URB1: variants seen among roughly 807,000 people sequenced by gnomAD.
URB1 encodes URB1 ribosome biogenesis factor, also known as nucleolar pre-ribosomal-associated protein 1.
URB1 carries 197 observed loss-of-function variants against 242.3 expected under a neutral mutation model. The observed-to-expected ratio is 0.81, with a 90% CI of 0.72 to 0.91. The LOEUF (loss-of-function observed/expected upper bound fraction) is 0.91. Among genes scored for constraint, URB1 ranks in the 40% least tolerant of loss-of-function variants. The pLI is 0.00. For missense variants in URB1, 2,721 were observed against 2,860.5 expected (o/e 0.95, Z 1.11); for synonymous variants, 1,153 against 1,201.8 (o/e 0.96, Z 0.84).
At chr21:32,348,604 T>G (rs969562187) in intron 21 of URB1, among the ~76,000 whole-genome samples, 4 of 152,198 alleles carry the variant, frequency 2.6e-5, no homozygotes, top group African/African-American at 9.6e-5. Flanking sequence ...GAAAGAAATT[T>G]TCTTTCCTTA....
At chr21:32,320,149 C>T (rs1047241661) in intron 35 of URB1, among the ~76,000 whole-genome samples, 2 of 152,216 alleles carry the variant, frequency 1.3e-5, no homozygotes, top group Non-Finnish European at 2.9e-5. Flanking sequence ...TGCAAGAGGG[C>T]TGCAGCTGCT....
chr21:32,337,305 CCTG>C, intron 27 of URB1, 96 bp downstream of exon 27: 11 of 1,359,914 alleles, frequency 8.1e-6, no homozygotes, highest in Non-Finnish European at 1.1e-5. Flanking sequence ...ACTGTCTCCT[CCTG>C]CTCACATCCC....
chr21:32,346,649 C>T (rs1363839288), intron 22 of URB1, among the ~76,000 whole-genome samples: 2 of 152,148 alleles, frequency 1.3e-5, no homozygotes, highest in Non-Finnish European at 2.9e-5. Flanking sequence ...ACTCCTTCAA[C>T]GTAACAGGAC....
At position 32,341,627 on chromosome 21, in the gene URB1, C is replaced by T. The variant is rs2033031200; in HGVS notation, c.4258-103G>A. 1.2e-5 allele frequency: 12 copies of T among 993,114 alleles called. 1 individual carries two copies. The South Asian group carries it at 1.8e-4, about 14-fold the overall frequency. 61.5% of individuals were successfully genotyped at this position (993,114 alleles called of 1,614,324 possible). A position where few individuals can be genotyped will look rare whatever the true frequency, so the allele number is the denominator to read the frequency against. On this transcript the variant is annotated intron_variant, in intron 24 of 38. Transcript: ENST00000382751. ...TTCAGAAAGGCATCTGCCTCCATGG[C>T]CTGACTACCTCCTCTGTAAAACCCA... is the stretch of plus-strand genomic sequence containing the variant.
At chr21:32,377,380 C>T (rs2033471321) in intron 5 of URB1, 1 of 496,102 alleles carries the variant, frequency 2.0e-6, no homozygotes, top group Non-Finnish European at 3.9e-6. Flanking sequence ...AAACATTAAA[C>T]TGTAGTATGT....
rs575116079 is a variant in URB1, at chr21:32,339,584, G to A, written c.4317-684C>T. Among the ~76,000 whole-genome samples the A allele has an allele frequency of 8.7e-4, 130 of 150,218 alleles. 2 individuals carry two copies. In the South Asian group the frequency reaches 0.015, roughly 17 times the overall value. ...TGGCTCACTGCAAGCTCCGCCTCCC[G>A]GGTTCACACCATTCTCCTGCCTCAG... On this transcript the variant is annotated intron_variant, in intron 25 of 38. Transcript: ENST00000382751.
chr21:32,375,348 C>T, intron 6 of URB1, 50 bp downstream of exon 6: 1 of 1,198,896 alleles, frequency 8.3e-7, no homozygotes, highest in Admixed American at 2.7e-5. Context: ...AGAATATCTC[C>T]ATTCCCAAGG....
At chr21:32,316,208 C>G (rs947917183) in intron 38 of URB1, among the ~76,000 whole-genome samples, 2 of 152,194 alleles carry the variant, frequency 1.3e-5, no homozygotes, top group Admixed American at 1.3e-4. Flanking sequence ...TTCTGAGGTG[C>G]CCTCTCTGCA....
Position 32,328,864 on chromosome 21 carries a change from T to C in URB1, c.4961-3475A>G, listed in dbSNP as rs923534302. Among the ~76,000 whole-genome samples, 3 of 152,330 alleles carry C rather than the reference T, an allele frequency of 2.0e-5. No individual in the cohort carries two copies. In the East Asian group the frequency reaches 5.8e-4, roughly 29 times the overall value. On this transcript the variant is annotated intron_variant, in intron 30 of 38. Coordinates refer to ENST00000382751, the MANE Select transcript of URB1 (RefSeq NM_014825.3). ...TAGGCTATTTAAAAATAGTTATAAA[T>C]GCCATTCTCTTTGTTTCAAGAACCT... is the stretch of plus-strand genomic sequence containing the variant.
chr21:32,322,503 T>C lies in URB1; in HGVS notation c.5315A>G (p.Gln1772Arg). 4.5e-6 allele frequency: 7 copies of C among 1,552,360 alleles called. No individual in the cohort carries two copies. Among genetic ancestry groups the C allele is most frequent in the African/African-American group, 1.4e-5 (1 of 73,186 alleles). Residue 1772 changes from glutamine (Q) to arginine (R), a missense_variant, in exon 33 of 39, where the codon CAG becomes CGG. Coordinates refer to ENST00000382751, the MANE Select transcript of URB1 (RefSeq NM_014825.3). ...LNMDKVPGFY[Q>R]FFYSSDFEQK... ...CTCAAAGTCGGAGCTGTAGAAGAAC[T>C]GGTAGAAGCCTGGCACTTTGTCCAT...
In URB1 at chr21:32,372,386, C is replaced by T. The variant is rs1003862907; in HGVS notation, c.1001+121G>A. The T allele has an allele frequency of 1.2e-5, 16 of 1,315,588 alleles. No homozygotes were observed. The African/African-American group carries it at 1.4e-4, about 11-fold the overall frequency. 81.5% of individuals were successfully genotyped at this position (1,315,588 alleles called of 1,614,324 possible). A position where few individuals can be genotyped will look rare whatever the true frequency, so the allele number is the denominator to read the frequency against. On this transcript the variant is annotated intron_variant, in intron 8 of 38. Coordinates refer to ENST00000382751, the MANE Select transcript of URB1 (RefSeq NM_014825.3). The stretch of plus-strand genomic sequence containing the variant: ...GGACTACAACTGTTCAACCCTGAAA[C>T]GAGTTAGATAATGTCCACAATTCTA...
At chr21:32,333,279 G>T in intron 30 of URB1, 38 bp downstream of exon 30, 1 of 1,509,248 alleles carries the variant, frequency 6.6e-7, no homozygotes, top group Non-Finnish European at 9.0e-7. Context: ...GAGAAGTCAT[G>T]CATAGCAAGC....
intron 26 of URB1, among the ~76,000 whole-genome samples, chr21:32,337,831 G>GT (rs1396416771): frequency 6.6e-6 from 1 of 151,830 alleles, no homozygotes; most frequent in African/African-American, 2.4e-5. Flanking sequence ...CCCCCCACGT[G>GT]TTTTTCAATT....
chr21:32,339,051 G>C (rs1042796708), intron 25 of URB1, among the ~76,000 whole-genome samples, 151 bp from the exon 26 acceptor site: 1 of 152,212 alleles, frequency 6.6e-6, no homozygotes, highest in Non-Finnish European at 1.5e-5. Context: ...CTGGAGTACA[G>C]TGGTGCAATC....
Position 32,347,043 on chromosome 21 carries a change from G to A in URB1, c.3781C>T (p.Leu1261Phe). The A allele has an allele frequency of 6.5e-7, 1 of 1,549,964 alleles. No homozygotes were observed. The highest frequency in any genetic ancestry group is 1.2e-5 in the South Asian group (1 of 83,974). Residue 1261 changes from leucine (L) to phenylalanine (F), a missense_variant, in exon 22 of 39, where the codon CTC becomes TTC. Transcript: ENST00000382751. The part of the protein sequence containing the change: ...WCLQAGPGLG[L>F]QGDLDDFLPL... ...AGGAAGTCGTCCAGGTCCCCCTGGAGGCCGAGCCCTGGGCCAGCCTGCAGG... is the reference window on the plus strand; with the variant it reads ...AGGAAGTCGTCCAGGTCCCCCTGGAAGCCGAGCCCTGGGCCAGCCTGCAGG...
chr21:32,324,546 A>C lies in URB1; in HGVS notation c.5178T>G (p.Leu1726=). The part of the protein sequence containing the change: ...RNGIRTQDMR[L]TFTLALFIAK... ...CAATGAAGAGAGCCAAGGTAAAAGT[A>C]AGTCTCATGTCCTGAGTTCGAATCC... Residue 1726 remains leucine (L), a synonymous_variant, in exon 32 of 39, where the codon CTT becomes CTG. Coordinates refer to ENST00000382751, the MANE Select transcript of URB1 (RefSeq NM_014825.3). The C allele has an allele frequency of 5.2e-6, 8 of 1,551,884 alleles. No individual in the cohort carries two copies. The highest frequency in any genetic ancestry group is 7.0e-6 in the Non-Finnish European group (8 of 1,147,026).
chr21:32,332,981 C>T (rs1360075395), intron 30 of URB1: 1 of 314,072 alleles, frequency 3.2e-6, no homozygotes, highest in Admixed American at 4.8e-5. Flanking sequence ...ATTATCAGGA[C>T]TAAAATCTCT....
chr21:32,314,521 A>C lies in URB1; in HGVS notation c.*397T>G. 1 of 1,596,872 alleles carries C rather than the reference A, an allele frequency of 6.3e-7. No individual in the cohort carries two copies. Among genetic ancestry groups the C allele is most frequent in the Non-Finnish European group, 8.6e-7 (1 of 1,164,242 alleles). Reference sequence around the variant, plus strand: ...TTAAACATCTCTCTTCGTTTTCATAAAAAAAATCTGATACCTTTTGACATT... The same window carrying C: ...TTAAACATCTCTCTTCGTTTTCATACAAAAAATCTGATACCTTTTGACATT... On this transcript the variant is annotated 3_prime_UTR_variant, in exon 39 of 39. Transcript: ENST00000382751.
intron 1 of URB1, among the ~76,000 whole-genome samples, chr21:32,390,032 C>T (rs552889584): frequency 1.3e-5 from 2 of 152,262 alleles, no homozygotes; most frequent in African/African-American, 4.8e-5. Context: ...GTTATGAGAG[C>T]GTATAAAGAG....
Sources: allele counts gnomAD v4.1 joint callset (sites outside exome capture counted in the v4.1 genomes callset), GRCh38; gene constraint gnomAD v4.1.1; transcripts MANE v1.5; gene names NCBI Gene and HGNC (gene_info 2026-07-23, HGNC 2026-07-21).